GAD2: variants seen among roughly 807,000 people sequenced by gnomAD.
GAD2 encodes glutamate decarboxylase 2, also known as 65 kDa glutamic acid decarboxylase.
Under a neutral mutation model 80.1 loss-of-function variants are expected in GAD2, and 22 were observed. The observed-to-expected ratio is 0.27, with a 90% CI of 0.20 to 0.39. The LOEUF (loss-of-function observed/expected upper bound fraction) is 0.39, where lower values mean the gene tolerates loss of function less well. Ranked by LOEUF, GAD2 falls within the 10% of genes least tolerant of loss-of-function variation. The pLI, the probability that GAD2 is intolerant of heterozygous loss-of-function variation, is 1.00. For synonymous variants in GAD2, 274 were observed against 256.9 expected, an observed-to-expected ratio of 1.07 and a Z score of -0.64; for missense variants, 624 against 738.4, an observed-to-expected ratio of 0.85 and a Z score of 1.80.
rs34282513 is a variant in GAD2, at chr10:26,267,771, GA to G, written c.921-1337del. Among the ~76,000 whole-genome samples, 160 of 137,398 alleles carry G rather than the reference GA, an allele frequency of 1.2e-3. 2 individuals are homozygous for G. The South Asian group carries it at 0.015, about 13-fold the overall frequency. The allele number at this position is 137,398 out of a possible 152,430, so 90.1% of individuals were successfully genotyped here. On this transcript the variant is annotated intron_variant, in intron 8 of 15. Transcript: ENST00000376261. The stretch of plus-strand genomic sequence containing the variant: ...TTTGTCACGCCTCCTTTATTGGCCT[GA>G]AAAAAAAAAAGGGTCAAAAATATAA...
intron 7 of GAD2, among the ~76,000 whole-genome samples, chr10:26,239,227 A>G (rs2132282852): frequency 6.6e-6 from 1 of 152,268 alleles, no homozygotes; most frequent in South Asian, 2.1e-4. Context: ...AAGAGTTAAG[A>G]GCTAAGATTT....
intron 11 of GAD2, among the ~76,000 whole-genome samples, chr10:26,277,763 G>A (rs1845227107): frequency 6.6e-6 from 1 of 152,158 alleles, no homozygotes; most frequent in Non-Finnish European, 1.5e-5. Context: ...GGAGGCTGGA[G>A]GCCTGGAAGG....
chr10:26,232,536 G>A (rs940615743), intron 7 of GAD2, among the ~76,000 whole-genome samples: 21 of 146,326 alleles, frequency 1.4e-4, no homozygotes, highest in African/African-American at 2.8e-4. Context: ...GTGCTGTGGC[G>A]TGATCTCTGG....
At chr10:26,254,034 A>G (rs1844914415) in intron 8 of GAD2, among the ~76,000 whole-genome samples, 1 of 151,956 alleles carries the variant, frequency 6.6e-6, no homozygotes. Flanking sequence ...TTTTAATTGA[A>G]TTAATTAATT....
intron 12 of GAD2, among the ~76,000 whole-genome samples, chr10:26,282,683 A>T (rs1845284535): frequency 6.6e-6 from 1 of 152,194 alleles, no homozygotes; most frequent in African/African-American, 2.4e-5. Context: ...TATACCTTTG[A>T]TCACATTCCT....
chr10:26,298,645 G>A (rs967726840), intron 15 of GAD2, among the ~76,000 whole-genome samples: 11 of 152,174 alleles, frequency 7.2e-5, no homozygotes, highest in Admixed American at 2.0e-4. Context: ...TTAATTTACT[G>A]AGTAAAGCTC....
rs887447423 is a variant in GAD2 at position 26,303,257 on chromosome 10, C to T, written c.*2296C>T. On this transcript the variant is annotated 3_prime_UTR_variant, in exon 16 of 16. Transcript: ENST00000376261. ...TCTAGCAACAACAATAGCTCTTCTT[C>T]CCCGCTCCCCTACCCCTTCCCAGTA... 1.3e-5 allele frequency: 2 copies of T among 149,508 alleles called. No homozygotes were observed. The highest frequency in any genetic ancestry group is 5.2e-5 in the African/African-American group (2 of 38,804). 9.3% of individuals were successfully genotyped at this position (149,508 alleles called of 1,614,324 possible). A position where few individuals can be genotyped will look rare whatever the true frequency, so the allele number is the denominator to read the frequency against.
In GAD2 at chr10:26,216,872, G is replaced by C. The variant is rs148577863; in HGVS notation, c.63G>C (p.Glu21Asp). 1.2e-6 allele frequency: 2 copies of C among 1,611,280 alleles called. No individual in the cohort carries two copies. The highest frequency in any genetic ancestry group is 1.7e-6 in the Non-Finnish European group (2 of 1,178,940). The change falls in exon 1 of 16, where the codon GAG becomes GAC. Residue 21 changes from glutamate to aspartate, a missense_variant. Coordinates refer to ENST00000376261, the MANE Select transcript of GAD2 (RefSeq NM_001134366.2). This position sits in a 1 kb window ranked among gnomAD's most constrained non-coding sequence, Gnocchi z 4.7. Reference protein sequence around the residue: ...FGSEDGSGDSENPGTARAWCQ... With the variant: ...FGSEDGSGDSDNPGTARAWCQ... ...CGGAAGATGGCTCTGGGGATTCCGA[G>C]AATCCCGGCACAGGTAGGAAGGAGA...
At chr10:26,270,454 A>T (rs892889308) in intron 9 of GAD2, among the ~76,000 whole-genome samples, 186 bp from the exon 10 acceptor site, 9 of 152,220 alleles carry the variant, frequency 5.9e-5, no homozygotes, top group Admixed American at 2.0e-4. Flanking sequence ...AGCATAGCCT[A>T]GAGAACTCAG....
intron 7 of GAD2, among the ~76,000 whole-genome samples, chr10:26,245,377 T>A (rs574527318): frequency 5.0e-4 from 73 of 146,840 alleles, no homozygotes; most frequent in African/African-American, 1.8e-3. Flanking sequence ...GAACTTAAAA[T>A]AAAAATAAAA....
chr10:26,280,878 T>A (rs949296581), intron 11 of GAD2, 131 bp from the exon 12 acceptor site: 1 of 560,672 alleles, frequency 1.8e-6, no homozygotes. Context: ...TTTTTAAAAT[T>A]AAAATAAATA....
intron 14 of GAD2, 21 bp from the exon 15 acceptor site, chr10:26,292,881 A>G: frequency 6.2e-7 from 1 of 1,606,034 alleles, no homozygotes; most frequent in East Asian, 2.2e-5. Context: ...CCAAATGTGA[A>G]TCTTCCTTTC....
intron 12 of GAD2, 96 bp from the exon 13 acceptor site, chr10:26,286,249 C>A: frequency 1.9e-6 from 2 of 1,069,764 alleles, no homozygotes; most frequent in East Asian, 2.6e-5. Context: ...CTAAGATATG[C>A]AATGTCTCTT....
upstream of GAD2, chr10:26,216,727 A>C: frequency 8.4e-7 from 1 of 1,192,696 alleles, no homozygotes; most frequent in Non-Finnish European, 1.2e-6. The surrounding 1 kb of genome is among the most constrained non-coding windows in gnomAD (Gnocchi z 4.7). Context: ...CCACACGGGC[A>C]CGCACGCGCG....
At chr10:26,296,189 G>A (rs1834271352) in intron 15 of GAD2, among the ~76,000 whole-genome samples, 1 of 152,158 alleles carries the variant, frequency 6.6e-6, no homozygotes, top group African/African-American at 2.4e-5. Context: ...GGGTCCCTAA[G>A]ACTGTGCCTT....
At chr10:26,285,771 T>G (rs1046760048) in intron 12 of GAD2, among the ~76,000 whole-genome samples, 4 of 143,708 alleles carry the variant, frequency 2.8e-5, no homozygotes, top group Non-Finnish European at 6.3e-5. Flanking sequence ...TATGTGGGTT[T>G]TTTTTTTTTT....
intron 8 of GAD2, among the ~76,000 whole-genome samples, chr10:26,263,005 G>A (rs1845027234): frequency 6.6e-6 from 1 of 152,104 alleles, no homozygotes. Flanking sequence ...GCAGTAAGGA[G>A]GTTTCATATA....
chr10:26,242,356 T>A (rs1844753594), intron 7 of GAD2, among the ~76,000 whole-genome samples: 1 of 152,180 alleles, frequency 6.6e-6, no homozygotes, highest in South Asian at 2.1e-4. Context: ...TTTCCAGCCT[T>A]CTCAGCATCC....
Position 26,223,992 on chromosome 10 carries a change from G to T in GAD2, c.611+15G>T, listed in dbSNP as rs764816467. The T allele has an allele frequency of 4.5e-6, 7 of 1,539,776 alleles. No homozygotes were observed. The East Asian group carries it at 6.8e-5, about 15-fold the overall frequency. On this transcript the variant is annotated intron_variant, in intron 5 of 15. Coordinates refer to ENST00000376261, the MANE Select transcript of GAD2 (RefSeq NM_001134366.2). ...AATACTAACATGTAAGTAGCCAAAT[G>T]TGTTTTTATGTAATTTAGGATAATT...
Sources: allele counts gnomAD v4.1 joint callset (sites outside exome capture counted in the v4.1 genomes callset), GRCh38; gene constraint gnomAD v4.1.1; non-coding constraint Gnocchi (gnomAD v3.1); transcripts MANE v1.5; gene names NCBI Gene and HGNC (gene_info 2026-07-23, HGNC 2026-07-21).